ME3: variants seen among roughly 807,000 people sequenced by gnomAD.
The protein encoded by ME3 is malic enzyme 3, also known as NADP-dependent malic enzyme, mitochondrial.
A neutral mutation model predicts 68.9 loss-of-function variants in ME3; 48 were observed. The ratio of observed to expected loss-of-function variants is 0.70; its 90% CI spans 0.55 to 0.89. The LOEUF (loss-of-function observed/expected upper bound fraction) is 0.89. ME3 is among the 40% of genes least tolerant of loss of function. The pLI, the probability that ME3 is intolerant of heterozygous loss-of-function variation, is 0.00. For missense variants in ME3, 675 were observed against 797.4 expected, an observed-to-expected ratio of 0.85 and a Z score of 1.85; for synonymous variants, 320 against 318.8, an observed-to-expected ratio of 1.00 and a Z score of -0.04.
Position 86,545,668 on chromosome 11 carries a change from C to CAT in ME3, c.467+10883_467+10884dup, listed in dbSNP as rs771417337. Among the ~76,000 whole-genome samples the CAT allele has an allele frequency of 5.3e-5, 8 of 152,226 alleles. No individual in the cohort carries two copies. In the East Asian group the frequency reaches 1.5e-3, roughly 29 times the overall value. ...CACTGCTCAAGGAAATAAGAGAGGA[C>CAT]ATAAACAAATGGAAAAACATTCCAT... On this transcript the variant is annotated intron_variant, in intron 4 of 14. Coordinates refer to ENST00000543262, the Ensembl canonical transcript of ME3.
chr11:86,530,579 C>T (rs1314552333), intron 4 of ME3, among the ~76,000 whole-genome samples: 10 of 152,146 alleles, frequency 6.6e-5, no homozygotes, highest in African/African-American at 9.7e-5. Context: ...GGAGGCATCA[C>T]GCTACCTGAC....
At chr11:86,544,995 C>T (rs1956278800) in intron 4 of ME3, among the ~76,000 whole-genome samples, 1 of 152,178 alleles carries the variant, frequency 6.6e-6, no homozygotes, top group South Asian at 2.1e-4. Flanking sequence ...CGGCTTCATC[C>T]TGGGGATGCA....
intron 2 of ME3, among the ~76,000 whole-genome samples, chr11:86,634,678 T>C (rs753189923): frequency 5.5e-4 from 24 of 43,304 alleles, no homozygotes; most frequent in Admixed American, 8.6e-4. Context: ...TAAATGGTTC[T>C]GGGTCTTTTG....
chr11:86,550,068 T>C (rs1956589177), intron 4 of ME3, among the ~76,000 whole-genome samples: 1 of 152,182 alleles, frequency 6.6e-6, no homozygotes, highest in Non-Finnish European at 1.5e-5. Context: ...ATTAGAGTCC[T>C]CTGAAGAGCT....
Position 86,543,588 on chromosome 11 carries a change from G to A in ME3, c.467+12965C>T, listed in dbSNP as rs112646664. Among the ~76,000 whole-genome samples the A allele has an allele frequency of 7.4e-3, 1,129 of 152,136 alleles. 14 individuals are homozygous for A. Among genetic ancestry groups the A allele is most frequent in the African/African-American group, 0.024 (1,002 of 41,528 alleles). On this transcript the variant is annotated intron_variant, in intron 4 of 14. Coordinates refer to ENST00000543262, the Ensembl canonical transcript of ME3. ...TTACATAATGGTAAAGGGAATTGAG[G>A]CAACAAGAAGAGCTAACTATCCTAA...
intron 5 of ME3, 85 bp downstream of exon 5, chr11:86,508,707 T>A (rs1953274047): frequency 7.7e-7 from 1 of 1,306,180 alleles, no homozygotes; most frequent in Non-Finnish European, 1.1e-6. Context: ...TCATAATGGC[T>A]CATTTTATAG....
chr11:86,446,521 G>A, intron 12 of ME3, 34 bp from the exon 13 acceptor site: 1 of 1,610,096 alleles, frequency 6.2e-7, no homozygotes, highest in Non-Finnish European at 8.5e-7. Context: ...GATGAACTTG[G>A]AGATTGGTTT....
intron 2 of ME3, chr11:86,622,606 T>A (rs1169278325): frequency 6.6e-6 from 1 of 152,066 alleles, no homozygotes; most frequent in Admixed American, 6.5e-5. Context: ...CTGAAAGTTG[T>A]GTTCCCTGGT....
At chr11:86,503,115 C>T (rs1249229607) in intron 5 of ME3, among the ~76,000 whole-genome samples, 1 of 152,162 alleles carries the variant, frequency 6.6e-6, no homozygotes, top group East Asian at 1.9e-4. Flanking sequence ...AGTTTCAAAT[C>T]TTGGTTCCAC....
chr11:86,588,990 A>C (rs1958899128), intron 2 of ME3, among the ~76,000 whole-genome samples: 1 of 152,044 alleles, frequency 6.6e-6, no homozygotes, highest in African/African-American at 2.4e-5. Context: ...TGCTCCATGC[A>C]CTCTGCACCA....
At chr11:86,597,618 C>T (rs552622570) in intron 2 of ME3, among the ~76,000 whole-genome samples, 19 of 152,288 alleles carry the variant, frequency 1.2e-4, no homozygotes, top group African/African-American at 3.6e-4. Flanking sequence ...TTAATACCTA[C>T]GTGGGAAATG....
At chr11:86,608,374 T>C (rs1212898299) in intron 2 of ME3, among the ~76,000 whole-genome samples, 1 of 152,160 alleles carries the variant, frequency 6.6e-6, no homozygotes, top group East Asian at 1.9e-4. Context: ...ATGAAGCCCA[T>C]TTCTACTAAA....
chr11:86,630,997 C>A (rs184983710), intron 2 of ME3, among the ~76,000 whole-genome samples: 97 of 152,278 alleles, frequency 6.4e-4, no homozygotes, highest in Admixed American at 1.8e-3. Context: ...GCAGGAAGGA[C>A]ATAAATGGGG....
intron 7 of ME3, among the ~76,000 whole-genome samples, chr11:86,479,158 G>A (rs1321515549): frequency 2.0e-5 from 3 of 152,160 alleles, no homozygotes; most frequent in African/African-American, 4.8e-5. Flanking sequence ...GGGTGAATTC[G>A]TTCTCTCTTC....
At chr11:86,640,031 G>A (rs1944571433) in intron 2 of ME3, among the ~76,000 whole-genome samples, 1 of 152,180 alleles carries the variant, frequency 6.6e-6, no homozygotes, top group African/African-American at 2.4e-5. Context: ...TCGGCCTCAA[G>A]GCAAACTTTA....
chr11:86,526,711 A>G (rs1954781318), intron 4 of ME3, among the ~76,000 whole-genome samples: 1 of 152,192 alleles, frequency 6.6e-6, no homozygotes, highest in Admixed American at 6.5e-5. Flanking sequence ...CTGTTCACCA[A>G]TATCTGCTGT....
At chr11:86,536,114 C>A (rs546123584) in intron 4 of ME3, among the ~76,000 whole-genome samples, 1 of 152,126 alleles carries the variant, frequency 6.6e-6, no homozygotes, top group Non-Finnish European at 1.5e-5. Context: ...TTGTCTATTT[C>A]CTTGTGTGGA....
At chr11:86,514,163 A>G (rs965900959) in intron 4 of ME3, among the ~76,000 whole-genome samples, 1 of 152,174 alleles carries the variant, frequency 6.6e-6, no homozygotes, top group African/African-American at 2.4e-5. Flanking sequence ...AACCTTGTGA[A>G]GAAGGTGCCT....
At chr11:86,535,999 A>G (rs995044968) in intron 4 of ME3, among the ~76,000 whole-genome samples, 2 of 152,240 alleles carry the variant, frequency 1.3e-5, no homozygotes, top group African/African-American at 4.8e-5. Flanking sequence ...CTGGAAGTTT[A>G]TAGCTTAGTA....
Sources: allele counts gnomAD v4.1 joint callset (sites outside exome capture counted in the v4.1 genomes callset), GRCh38; gene constraint gnomAD v4.1.1; transcripts MANE v1.5; gene names NCBI Gene and HGNC (gene_info 2026-07-23, HGNC 2026-07-21).